Variants in PHLDB2 observed in about 807,000 individuals in gnomAD.
PHLDB2 encodes the protein pleckstrin homology like domain family B member 2.
PHLDB2 carries 71 observed loss-of-function variants against 123.6 expected under a neutral mutation model. The observed-to-expected ratio is 0.57, with a 90% CI of 0.47 to 0.70. PHLDB2 has a LOEUF of 0.70. Among genes scored for constraint, PHLDB2 ranks in the 30% least tolerant of loss-of-function variants. The pLI is 0.00. For missense variants in PHLDB2, 1,446 were observed against 1,519.5 expected (o/e 0.95, Z 0.80); for synonymous variants, 547 against 541.6 (o/e 1.01, Z -0.14).
chr3:111,751,803 C>T (rs894081007), intron 1 of PHLDB2, among the ~76,000 whole-genome samples: 1 of 151,804 alleles, frequency 6.6e-6, no homozygotes, highest in Non-Finnish European at 1.5e-5. Context: ...CAAACCTGCA[C>T]CTTGTGCACA....
At chr3:111,886,002 C>A (rs557616552) in intron 2 of PHLDB2, among the ~76,000 whole-genome samples, 1 of 152,172 alleles carries the variant, frequency 6.6e-6, no homozygotes. Flanking sequence ...ATTGAGTTGT[C>A]TTTTTCCATT....
intron 6 of PHLDB2, 44 bp downstream of exon 6, chr3:111,932,441 T>A (rs1577117865): frequency 6.6e-7 from 1 of 1,522,404 alleles, no homozygotes; most frequent in South Asian, 1.3e-5. Flanking sequence ...GCTTTTCGTT[T>A]TTGTTTTTCA....
intron 5 of PHLDB2, among the ~76,000 whole-genome samples, chr3:111,922,686 TAG>T (rs1212629383): frequency 6.6e-6 from 1 of 152,208 alleles, no homozygotes; most frequent in East Asian, 1.9e-4. Flanking sequence ...TAAACTCAAA[TAG>T]AGACTCAACA....
In PHLDB2 at chr3:111,846,885, T is replaced by C. The variant is rs184886161; in HGVS notation, c.67+950T>C. Among the ~76,000 whole-genome samples, 353 of 152,322 alleles carry C rather than the reference T, an allele frequency of 2.3e-3. 1 individual carries two copies. The highest frequency in any genetic ancestry group is 7.1e-3 in the African/African-American group (295 of 41,582). On this transcript the variant is annotated intron_variant, in intron 2 of 17. Transcript: ENST00000393923. The stretch of plus-strand genomic sequence containing the variant: ...AAACAGAAACATTGCAATATGACGA[T>C]GTGAAATACTTTGACATCTAACCAA...
chr3:111,895,898 A>ATCTG (rs1189579868), intron 2 of PHLDB2, among the ~76,000 whole-genome samples: 15 of 151,984 alleles, frequency 9.9e-5, no homozygotes, highest in East Asian at 1.9e-4. Context: ...CTATCTATCT[A>ATCTG]TTTATATGGA....
At chr3:111,866,013 C>CTTTTTTTTTT (rs1239058039) in intron 1 of PHLDB2, among the ~76,000 whole-genome samples, 2 of 47,670 alleles carry the variant, frequency 4.2e-5, no homozygotes, top group Non-Finnish European at 4.3e-5. Flanking sequence ...CCCACCCACT[C>CTTTTTTTTTT]ATTTTTTTTT....
At chr3:111,744,911 T>A (rs1324043537) in intron 1 of PHLDB2, among the ~76,000 whole-genome samples, 1 of 152,226 alleles carries the variant, frequency 6.6e-6, no homozygotes, top group Non-Finnish European at 1.5e-5. Flanking sequence ...GTGGATTCAA[T>A]CCTGCTATGT....
chr3:111,803,863 C>G (rs904280417), intron 1 of PHLDB2, among the ~76,000 whole-genome samples: 1 of 152,184 alleles, frequency 6.6e-6, no homozygotes, highest in Non-Finnish European at 1.5e-5. Context: ...TTGTTCCTTT[C>G]TATTCCAAAG....
At chr3:111,877,122 C>G (rs1217929497) in intron 1 of PHLDB2, among the ~76,000 whole-genome samples, 1 of 152,214 alleles carries the variant, frequency 6.6e-6, no homozygotes, top group Non-Finnish European at 1.5e-5. Flanking sequence ...ATTTCTAGTT[C>G]TAGATCCCTG....
intron 12 of PHLDB2, among the ~76,000 whole-genome samples, chr3:111,956,402 C>T (rs2071066537): frequency 6.6e-6 from 1 of 152,196 alleles, no homozygotes. Flanking sequence ...ATGCCAGTTT[C>T]ATAGAGGAAA....
rs542227047 is a variant in PHLDB2 at position 111,829,714 on chromosome 3, G to T, written c.-48-16107G>T. 8.6e-5 allele frequency among the ~76,000 whole-genome samples: 13 copies of T among 151,892 alleles called. No homozygotes were observed. In the South Asian group the frequency reaches 2.7e-3, roughly 32 times the overall value. On this transcript the variant is annotated intron_variant, in intron 1 of 17. Coordinates refer to the PHLDB2 transcript ENST00000393923. The stretch of plus-strand genomic sequence containing the variant: ...CCTGACCTGGTGATCCGCCCGCCTT[G>T]GCCTCCCAAAGTGCTGGGATTATAG...
rs573939116 is a variant in PHLDB2, at chr3:111,787,786, C to T, written c.-49+55083C>T. ...CACCCCGGGGTCGAGTCTCTGGCAG[C>T]GTACCCAATCTATTCTGGGGTGAAT... On this transcript the variant is annotated intron_variant, in intron 1 of 17. Coordinates refer to the PHLDB2 transcript ENST00000393923. Among the ~76,000 whole-genome samples the T allele has an allele frequency of 6.6e-5, 10 of 152,230 alleles. No homozygotes were observed. The South Asian group carries it at 1.0e-3, about 16-fold the overall frequency.
chr3:111,828,481 T>A (rs1019556903), intron 1 of PHLDB2, among the ~76,000 whole-genome samples: 3 of 152,208 alleles, frequency 2.0e-5, no homozygotes, highest in African/African-American at 7.2e-5. Context: ...TGAATATTTT[T>A]AAATAGTTTT....
intron 2 of PHLDB2, among the ~76,000 whole-genome samples, chr3:111,906,886 G>A (rs2067572895): frequency 1.3e-5 from 2 of 152,170 alleles, no homozygotes; most frequent in African/African-American, 4.8e-5. Context: ...ACATGCACAT[G>A]CTATTTAAAC....
chr3:111,929,362 A>G (rs1178455408), intron 5 of PHLDB2, among the ~76,000 whole-genome samples: 1 of 152,170 alleles, frequency 6.6e-6, no homozygotes, highest in East Asian at 1.9e-4. Context: ...GGAAAATATT[A>G]TTGTGCCTAT....
chr3:111,793,645 T>C (rs963238555), intron 1 of PHLDB2, among the ~76,000 whole-genome samples: 1 of 152,012 alleles, frequency 6.6e-6, no homozygotes, highest in African/African-American at 2.4e-5. Flanking sequence ...AGCATGGGAC[T>C]AGGTCTCATC....
At position 111,875,649 on chromosome 3, in the gene PHLDB2, C is replaced by A. The variant is rs1237051485; in HGVS notation, c.-14-8415C>A. On this transcript the variant is annotated intron_variant, in intron 1 of 17. Coordinates refer to ENST00000431670, the MANE Select transcript of PHLDB2 (RefSeq NM_001134438.2). Reference sequence around the variant, plus strand: ...ACCAGCTTGGCAAACATGGTGAAACCCCGTTTCTACTAAAAATACAAAAAT... The same window carrying A: ...ACCAGCTTGGCAAACATGGTGAAACACCGTTTCTACTAAAAATACAAAAAT... Among the ~76,000 whole-genome samples the A allele has an allele frequency of 2.0e-5, 3 of 150,798 alleles. No individual in the cohort carries two copies. In the East Asian group the frequency reaches 6.0e-4, roughly 30 times the overall value.
intron 1 of PHLDB2, among the ~76,000 whole-genome samples, chr3:111,881,540 C>A (rs79386366): frequency 0.011 from 1,710 of 152,244 alleles, 39 homozygotes; most frequent in African/African-American, 0.038. Flanking sequence ...GCAGTAGCAA[C>A]AGGGGGTGTC....
chr3:111,752,160 A>C (rs1400600259), intron 1 of PHLDB2, among the ~76,000 whole-genome samples: 1 of 151,736 alleles, frequency 6.6e-6, no homozygotes, highest in African/African-American at 2.4e-5. Context: ...ATCCCCCACC[A>C]TCAGAGCTCT....
Sources: gnomAD v4.1 joint callset for allele counts (sites outside exome capture counted in the v4.1 genomes callset) on GRCh38, gnomAD v4.1.1 for gene constraint, MANE v1.5 for transcripts, NCBI Gene and HGNC (gene_info 2026-07-23, HGNC 2026-07-21) for gene names.